Variants in DACH2 observed in about 807,000 individuals in gnomAD.
DACH2 encodes dachshund homolog 2.
In DACH2, 17 loss-of-function variants were observed where a neutral mutation model predicts 35.8. That is an observed-to-expected ratio of 0.48 (90% CI 0.33 to 0.71). DACH2 has a LOEUF of 0.71. DACH2 is among the 30% of genes least tolerant of loss of function. The pLI is 0.02. For missense variants in DACH2, 469 were observed against 472.7 expected, an observed-to-expected ratio of 0.99 and a Z score of 0.07; for synonymous variants, 195 against 177.3, an observed-to-expected ratio of 1.10 and a Z score of -0.79.
intron 3 of DACH2, among the ~76,000 whole-genome samples, chrX:86,646,949 A>G (rs1387043430): frequency 9.1e-6 from 1 of 109,720 alleles, no homozygotes; most frequent in East Asian, 2.8e-4. Flanking sequence ...ATCATCAGGG[A>G]AATGCAAATC....
chrX:86,336,430 G>T (rs751577280), intron 1 of DACH2, among the ~76,000 whole-genome samples: 193 of 111,965 alleles, frequency 1.7e-3, no homozygotes, highest in African/African-American at 6.0e-3. Context: ...TGCAGCCTCT[G>T]CTGGTGATAC....
chrX:86,306,332 A>T (rs2034687795), intron 1 of DACH2, among the ~76,000 whole-genome samples: 1 of 112,159 alleles, frequency 8.9e-6, no homozygotes, highest in Non-Finnish European at 1.9e-5. Context: ...TGTTAGGTAA[A>T]ATGAGCCAGG....
intron 2 of DACH2, among the ~76,000 whole-genome samples, chrX:86,454,227 C>A (rs1602537723): frequency 1.8e-5 from 2 of 111,385 alleles, no homozygotes. Flanking sequence ...TTCATTTTGA[C>A]CTCAGAGAAT....
Position 86,406,302 on chromosome X carries a change from A to G in DACH2, c.527+29440A>G, listed in dbSNP as rs910326920. ...CTAAGAGAGGAACAGAAAACTAAATATCACATATTTTCACTTATAAATGGG... is the reference window on the plus strand; with the variant it reads ...CTAAGAGAGGAACAGAAAACTAAATGTCACATATTTTCACTTATAAATGGG... On this transcript the variant is annotated intron_variant, in intron 2 of 11. Coordinates refer to ENST00000373125, the MANE Select transcript of DACH2 (RefSeq NM_053281.3). Among the ~76,000 whole-genome samples, 3 of 111,954 alleles carry G rather than the reference A, an allele frequency of 2.7e-5. No individual in the cohort carries two copies. The South Asian group carries it at 1.1e-3, about 42-fold the overall frequency.
At chrX:86,596,878 T>G (rs914606562) in intron 3 of DACH2, among the ~76,000 whole-genome samples, 3 of 111,739 alleles carry the variant, frequency 2.7e-5, no homozygotes, top group African/African-American at 9.7e-5. Context: ...CACCACTTGT[T>G]GAAGCAACTG....
intron 1 of DACH2, among the ~76,000 whole-genome samples, chrX:86,292,913 G>A (rs927853956): frequency 9.7e-6 from 1 of 102,957 alleles, no homozygotes; most frequent in African/African-American, 3.6e-5. Context: ...TTGATTTGGG[G>A]TGGAGAGTTC....
intron 7 of DACH2, among the ~76,000 whole-genome samples, chrX:86,776,518 G>T (rs1479908360): frequency 8.9e-6 from 1 of 112,072 alleles, no homozygotes; most frequent in East Asian, 2.8e-4. Flanking sequence ...GGTTTTCCTT[G>T]AACAAGTACA....
chrX:86,391,532 C>T (rs771344635), intron 2 of DACH2, among the ~76,000 whole-genome samples: 1 of 110,487 alleles, frequency 9.1e-6, no homozygotes, highest in African/African-American at 3.3e-5. Flanking sequence ...TTAACCTCGT[C>T]TTTCTACATG....
At chrX:86,397,402 C>T (rs2036318893) in intron 2 of DACH2, among the ~76,000 whole-genome samples, 1 of 111,358 alleles carries the variant, frequency 9.0e-6, no homozygotes, top group African/African-American at 3.3e-5. Flanking sequence ...TGCCTAATTG[C>T]CCTGGCCAGA....
intron 7 of DACH2, among the ~76,000 whole-genome samples, chrX:86,802,090 A>G (rs1382602506): frequency 8.9e-6 from 1 of 112,135 alleles, no homozygotes; most frequent in Non-Finnish European, 1.9e-5. Context: ...CTAGTTAAAA[A>G]ATATATTGTG....
chrX:86,771,114 A>G (rs1293285563), intron 7 of DACH2, among the ~76,000 whole-genome samples: 3 of 113,153 alleles, frequency 2.7e-5, no homozygotes, highest in Non-Finnish European at 3.7e-5. Flanking sequence ...TTGTGCTGAC[A>G]TAATATCCAG....
intron 7 of DACH2, among the ~76,000 whole-genome samples, chrX:86,802,705 G>A (rs140299410): frequency 0.13 from 14,514 of 110,253 alleles, 874 homozygotes; most frequent in South Asian, 0.4. Context: ...TGACACGTCA[G>A]GTTGAAAGCT....
intron 11 of DACH2, chrX:86,831,670 G>A (rs1285253631): frequency 1.8e-5 from 2 of 113,809 alleles, no homozygotes; most frequent in African/African-American, 6.5e-5. Flanking sequence ...AGTATACACA[G>A]TCTCAGGGTT....
chrX:86,310,436 A>G (rs1307118505), intron 1 of DACH2, among the ~76,000 whole-genome samples: 3 of 111,427 alleles, frequency 2.7e-5, no homozygotes, highest in Non-Finnish European at 5.7e-5. Context: ...TGACCGAGGA[A>G]GAGAAGAGAA....
At chrX:86,677,046 A>T (rs1311602525) in intron 4 of DACH2, among the ~76,000 whole-genome samples, 1 of 111,938 alleles carries the variant, frequency 8.9e-6, no homozygotes, top group African/African-American at 3.2e-5. Context: ...ATCAACGGAG[A>T]TACTGCACCT....
chrX:86,428,365 A>G lies in DACH2; in HGVS notation c.527+51503A>G, dbSNP rs756692716. Among the ~76,000 whole-genome samples the G allele has an allele frequency of 1.4e-3, 160 of 112,051 alleles. 2 individuals carry two copies. Among genetic ancestry groups the G allele is most frequent in the African/African-American group, 4.8e-3 (149 of 30,984 alleles). ...ATAAATACAGATTATTAAATTTATA[A>G]TAATTTATACTGACATATATTCCCA... is the stretch of plus-strand genomic sequence containing the variant. On this transcript the variant is annotated intron_variant, in intron 2 of 11. Transcript: ENST00000373125.
rs1306918164 is a variant in DACH2 at position 86,805,022 on chromosome X, G to A, written c.1241-7834G>A. 2.7e-5 allele frequency among the ~76,000 whole-genome samples: 3 copies of A among 112,295 alleles called. No individual in the cohort carries two copies. The East Asian group carries it at 8.5e-4, about 32-fold the overall frequency. The stretch of plus-strand genomic sequence containing the variant: ...TGGAGGATGGTGGCCCCCTGTCACA[G>A]CTCCACTACTAGGCAGTGCCCCAAT... On this transcript the variant is annotated intron_variant, in intron 7 of 11. Coordinates refer to ENST00000373125, the MANE Select transcript of DACH2 (RefSeq NM_053281.3).
intron 3 of DACH2, among the ~76,000 whole-genome samples, chrX:86,546,069 G>T (rs911879742): frequency 1.8e-5 from 2 of 111,373 alleles, no homozygotes; most frequent in African/African-American, 3.3e-5. Flanking sequence ...CTGAAGTAAT[G>T]GCAATTTAGA....
chrX:86,657,262 A>T (rs897708633), intron 4 of DACH2, among the ~76,000 whole-genome samples: 1 of 110,831 alleles, frequency 9.0e-6, no homozygotes, highest in Admixed American at 9.6e-5. Flanking sequence ...TTCTTTGTGG[A>T]TAACACAAAG....
Sources: gnomAD v4.1 joint callset for allele counts (sites outside exome capture counted in the v4.1 genomes callset) on GRCh38, gnomAD v4.1.1 for gene constraint, MANE v1.5 for transcripts, NCBI Gene and HGNC (gene_info 2026-07-23, HGNC 2026-07-21) for gene names.